Variants in COPA observed in about 807,000 individuals in gnomAD.
COPA encodes coatomer subunit alpha.
COPA carries 10 observed loss-of-function variants against 158.7 expected under a neutral mutation model. The ratio of observed to expected loss-of-function variants is 0.06; its 90% CI spans 0.04 to 0.11. The LOEUF (loss-of-function observed/expected upper bound fraction) is 0.11, where lower values mean the gene tolerates loss of function less well. Among genes scored for constraint, COPA ranks in the 10% least tolerant of loss-of-function variants. The pLI, the probability that COPA is intolerant of heterozygous loss-of-function variation, is 1.00. For synonymous variants in COPA, 462 were observed against 542.8 expected (o/e 0.85, Z 2.07); for missense variants, 1,065 against 1,536.7 (o/e 0.69, Z 5.13).
intron 11 of COPA, 175 bp from the exon 12 acceptor site, chr1:160,310,433 C>A: frequency 2.4e-6 from 1 of 413,516 alleles, no homozygotes; most frequent in Non-Finnish European, 4.3e-6. Flanking sequence ...GGCTTGGCAA[C>A]TTCCCTAGCT....
At chr1:160,292,751 T>A (rs1054351515) in intron 27 of COPA, 131 bp from the exon 28 acceptor site, 9 of 671,710 alleles carry the variant, frequency 1.3e-5, no homozygotes, top group African/African-American at 1.1e-4. Context: ...AAGACCTACC[T>A]CATTTAATGA....
intron 5 of COPA, chr1:160,333,355 A>T (rs1647617898): frequency 2.6e-6 from 1 of 379,268 alleles, no homozygotes. Context: ...AAAACCAGCT[A>T]AAAGTTCTTG....
intron 17 of COPA, among the ~76,000 whole-genome samples, chr1:160,304,247 C>A (rs1658708581): frequency 1.3e-5 from 2 of 151,672 alleles, no homozygotes; most frequent in Admixed American, 1.3e-4. Flanking sequence ...CTCCTGACCT[C>A]CAGTGATCTG....
At position 160,292,105 on chromosome 1, in the gene COPA, T is replaced by C. The variant is rs1658256835; in HGVS notation, c.3054A>G (p.Thr1018=). 5.0e-6 allele frequency: 8 copies of C among 1,614,228 alleles called. No individual in the cohort carries two copies. In the East Asian group the frequency reaches 8.9e-5, roughly 18 times the overall value. Residue 1018 remains threonine, a synonymous_variant, in exon 29 of 33, where the codon ACA becomes ACG. Coordinates refer to ENST00000241704, the MANE Select transcript of COPA (RefSeq NM_004371.4). ...CCACAGCCTCCTCAAATTTGCCAAC[T>C]GTGGTGAGCTGGTAGCACAGCTGCA... is the stretch of plus-strand genomic sequence containing the variant. ...QRLQLCYQLT[T]VGKFEEAVEK...
At chr1:160,323,230 ATATT>A (rs1659385161) in intron 8 of COPA, among the ~76,000 whole-genome samples, 197 bp downstream of exon 8, 1 of 152,132 alleles carries the variant, frequency 6.6e-6, no homozygotes, top group African/African-American at 2.4e-5. Context: ...GAATATAAAT[ATATT>A]TATTACCACT....
chr1:160,324,457 A>ATT (rs36119799), intron 7 of COPA, among the ~76,000 whole-genome samples: 4 of 131,904 alleles, frequency 3.0e-5, no homozygotes, highest in Non-Finnish European at 6.4e-5. Flanking sequence ...CGCCCAGCTA[A>ATT]TTTTTTTTTT....
In COPA at chr1:160,297,676, G is replaced by C. The variant is rs1041959480; in HGVS notation, c.2047C>G (p.Leu683Val). ...TCCACAATCTGGTGGTTCCCCTGCA[G>C]CAGGGCCACTTCTCCCAGCTTTTCC... The part of the protein sequence containing the change: ...CWEKLGEVAL[L>V]QGNHQIVEMC... Residue 683 changes from leucine (L) to valine (V), a missense_variant, in exon 20 of 33, where the codon CTG becomes GTG. Leu to Val is a conservative substitution (Grantham distance 32). Coordinates refer to ENST00000241704, the MANE Select transcript of COPA (RefSeq NM_004371.4). The C allele has an allele frequency of 6.2e-7, 1 of 1,614,052 alleles. No homozygotes were observed. Among genetic ancestry groups the C allele is most frequent in the African/African-American group, 1.3e-5 (1 of 74,926 alleles).
At chr1:160,331,687 C>T (rs544624726) in intron 6 of COPA, among the ~76,000 whole-genome samples, 4 of 148,384 alleles carry the variant, frequency 2.7e-5, no homozygotes, top group African/African-American at 5.0e-5. Context: ...CGGTGGCTCA[C>T]ACCTGTAGTC....
chr1:160,301,850 C>T (rs1658615590), intron 17 of COPA, among the ~76,000 whole-genome samples: 1 of 150,906 alleles, frequency 6.6e-6, no homozygotes. Flanking sequence ...TTGAATTTTA[C>T]CAAGGTAAAA....
At chr1:160,325,409 AG>A (rs1406639713) in intron 7 of COPA, 133 bp downstream of exon 7, 10 of 717,294 alleles carry the variant, frequency 1.4e-5, no homozygotes, top group Admixed American at 7.5e-5. Flanking sequence ...TTTGATTTCT[AG>A]TACCTCAAAC....
chr1:160,291,190 G>T, intron 31 of COPA, 145 bp downstream of exon 31: 1 of 907,018 alleles, frequency 1.1e-6, no homozygotes, highest in Non-Finnish European at 1.7e-6. Context: ...ACCAAGTCAG[G>T]AAGTAAACAG....
chr1:160,304,450 G>A (rs1658715247), intron 17 of COPA, among the ~76,000 whole-genome samples: 1 of 151,926 alleles, frequency 6.6e-6, no homozygotes, highest in African/African-American at 2.4e-5. Context: ...CAGATCACAA[G>A]GTCAAGAGCT....
chr1:160,301,360 A>T (rs1387265347), intron 17 of COPA, among the ~76,000 whole-genome samples: 1 of 152,238 alleles, frequency 6.6e-6, no homozygotes, highest in Non-Finnish European at 1.5e-5. Context: ...TGGGATGTTC[A>T]ATCAGTAACA....
chr1:160,317,456 G>A, intron 8 of COPA: 5 of 1,609,176 alleles, frequency 3.1e-6, no homozygotes, highest in Non-Finnish European at 4.2e-6. Flanking sequence ...AAGAAGGAAG[G>A]TGAATATATT....
At chr1:160,314,198 C>T in intron 8 of COPA, 73 bp from the exon 9 acceptor site, 1 of 1,496,072 alleles carries the variant, frequency 6.7e-7, no homozygotes, top group Non-Finnish European at 9.0e-7. Context: ...ATATGACATC[C>T]TCTTCATCAA....
chr1:160,307,169 C>A lies in COPA; in HGVS notation c.1296G>T (p.Met432Ile). The change falls in exon 14 of 33, where the codon ATG becomes ATT. Residue 432 changes from methionine to isoleucine, a missense_variant. By Grantham distance (10) the Met-to-Ile change is conservative. This residue lies in a region of COPA where 980 missense variants were observed against 1,357.8 expected (regional missense o/e 0.72). Transcript: ENST00000241704. The part of the protein sequence containing the change: ...ARNRFAVLDR[M>I]HSLLIKNLKN... Reference sequence around the variant, plus strand: ...GCTTTTAGTCTTAACTCACCGAATGCATCCGATCTAGGACAGCAAACCGAT... The same window carrying A: ...GCTTTTAGTCTTAACTCACCGAATGAATCCGATCTAGGACAGCAAACCGAT... 1.9e-6 allele frequency: 3 copies of A among 1,614,118 alleles called. No individual in the cohort carries two copies. Among genetic ancestry groups the A allele is most frequent in the South Asian group, 2.2e-5 (2 of 91,084 alleles).
chr1:160,311,141 A>AT (rs1425390273), intron 11 of COPA, among the ~76,000 whole-genome samples: 1 of 152,098 alleles, frequency 6.6e-6, no homozygotes, highest in Non-Finnish European at 1.5e-5. Context: ...CCAAAATGTC[A>AT]TTTAAAAGAA....
intron 17 of COPA, among the ~76,000 whole-genome samples, chr1:160,304,883 T>C (rs1255018805): frequency 6.6e-6 from 1 of 152,176 alleles, no homozygotes; most frequent in Non-Finnish European, 1.5e-5. Context: ...CATAATCATA[T>C]AATTATACAA....
intron 14 of COPA, 148 bp downstream of exon 14, chr1:160,307,015 T>A (rs1658809142): frequency 3.9e-6 from 3 of 770,646 alleles, no homozygotes; most frequent in South Asian, 1.5e-5. Flanking sequence ...GAGGGCTTAG[T>A]GTAGGGCTAG....
Sources: allele counts gnomAD v4.1 joint callset (sites outside exome capture counted in the v4.1 genomes callset), GRCh38; gene constraint gnomAD v4.1.1; regional missense constraint gnomAD v4.1.1; transcripts MANE v1.5; gene names NCBI Gene and HGNC (gene_info 2026-07-23, HGNC 2026-07-21).